CHURC1: variants seen among roughly 807,000 people sequenced by gnomAD.
CHURC1 encodes protein Churchill.
A neutral mutation model predicts 15.4 loss-of-function variants in CHURC1; 12 were observed. That is an observed-to-expected ratio of 0.78 (90% CI 0.50 to 1.27). The LOEUF (loss-of-function observed/expected upper bound fraction) is 1.27. Ranked by LOEUF, CHURC1 falls within the 50% of genes most tolerant of loss-of-function variation. CHURC1 has a pLI of 0.00. For missense variants in CHURC1, 132 were observed against 137.8 expected (o/e 0.96, Z 0.21); for synonymous variants, 42 against 47.5 (o/e 0.88, Z 0.48).
chr14:64,934,714 C>G lies in CHURC1; in HGVS notation c.*2484C>G, dbSNP rs1399874487. On this transcript the variant is annotated 3_prime_UTR_variant, in exon 4 of 4. Coordinates refer to ENST00000549115, the MANE Select transcript of CHURC1 (RefSeq NM_001386928.1). The stretch of plus-strand genomic sequence containing the variant: ...ATTACTTTAAATAGCAGCATTAAGC[C>G]CATTATAGCCTCTGAATTGTCCCTT... 6.1e-6 allele frequency: 6 copies of G among 985,248 alleles called. No individual in the cohort carries two copies. The highest frequency in any genetic ancestry group is 7.2e-6 in the Non-Finnish European group (6 of 829,932). The allele number at this position is 985,248 out of a possible 1,614,324, so 61.0% of individuals were successfully genotyped here.
chr14:64,918,671 T>A (rs937534692), intron 1 of CHURC1, among the ~76,000 whole-genome samples: 4 of 152,122 alleles, frequency 2.6e-5, no homozygotes, highest in African/African-American at 9.6e-5. Context: ...TTATTAAAAA[T>A]TAAAAAACAT....
rs955378112 is a variant in CHURC1 at position 64,934,810 on chromosome 14, T to C, written c.*2580T>C. On this transcript the variant is annotated 3_prime_UTR_variant, in exon 4 of 4. Coordinates refer to ENST00000549115, the MANE Select transcript of CHURC1 (RefSeq NM_001386928.1). ...AGTCTAATTTTATATGCCCTGCCAA[T>C]GTCCTCATCTATTGCAGAATGTATA... 1.0e-6 allele frequency: 1 copy of C among 985,294 alleles called. No homozygotes were observed. Among genetic ancestry groups the C allele is most frequent in the Non-Finnish European group, 1.2e-6 (1 of 829,906 alleles). The allele number at this position is 985,294 out of a possible 1,614,324, so 61.0% of individuals were successfully genotyped here.
Position 64,914,494 on chromosome 14 carries a change from C to T in CHURC1, c.-2C>T, listed in dbSNP as rs1168690291. ...AGGACATTCCCTGTTGACTGCGTCG[C>T]GATGTGTGGCGACTGTGTGGAGAAG... On this transcript the variant is annotated 5_prime_UTR_variant, in exon 1 of 4. Coordinates refer to ENST00000549115, the MANE Select transcript of CHURC1 (RefSeq NM_001386928.1). The T allele has an allele frequency of 1.9e-6, 3 of 1,614,130 alleles. No individual in the cohort carries two copies. Among genetic ancestry groups the T allele is most frequent in the Admixed American group, 1.7e-5 (1 of 60,014 alleles).
chr14:64,935,170 T>A lies in CHURC1; in HGVS notation c.*2940T>A, dbSNP rs1885269136. 3.9e-6 allele frequency: 1 copy of A among 258,586 alleles called. No homozygotes were observed. Among genetic ancestry groups the A allele is most frequent in the African/African-American group, 2.3e-5 (1 of 43,126 alleles). 16.0% of individuals were successfully genotyped at this position (258,586 alleles called of 1,614,324 possible). The stretch of plus-strand genomic sequence containing the variant: ...GGAGACAGGAAGGGGAACATCACAC[T>A]CTAGGGACTGTTGTGGGGTGAGGGG... On this transcript the variant is annotated 3_prime_UTR_variant, in exon 4 of 4. Coordinates refer to ENST00000549115, the MANE Select transcript of CHURC1 (RefSeq NM_001386928.1).
At chr14:64,922,130 A>G (rs553418279) in intron 1 of CHURC1, among the ~76,000 whole-genome samples, 9 of 152,306 alleles carry the variant, frequency 5.9e-5, no homozygotes, top group African/African-American at 2.2e-4. Context: ...AAAAGCATGA[A>G]GGAACTTTTT....
Position 64,932,315 on chromosome 14 carries a change from T to C in CHURC1, c.*85T>C. On this transcript the variant is annotated 3_prime_UTR_variant, in exon 4 of 4. Transcript: ENST00000549115. ...ATGGTTTGTCTTATTTCATTCATAC[T>C]GAAAATTCTTTGCATATTTTTTTTC... The C allele has an allele frequency of 7.1e-6, 11 of 1,542,592 alleles. No homozygotes were observed. Among genetic ancestry groups the C allele is most frequent in the Non-Finnish European group, 8.8e-6 (10 of 1,142,096 alleles).
At chr14:64,915,120 A>G (rs1883776529) in intron 1 of CHURC1, among the ~76,000 whole-genome samples, 1 of 152,180 alleles carries the variant, frequency 6.6e-6, no homozygotes, top group African/African-American at 2.4e-5. Context: ...TCCTTGTTGA[A>G]CATTTATATA....
At chr14:64,916,573 T>A (rs1295807972) in intron 1 of CHURC1, among the ~76,000 whole-genome samples, 1 of 152,032 alleles carries the variant, frequency 6.6e-6, no homozygotes, top group Non-Finnish European at 1.5e-5. Context: ...GTTGGATTCT[T>A]TTTTGTTGTT....
chr14:64,921,470 CAAAAT>C (rs59995630), intron 1 of CHURC1, among the ~76,000 whole-genome samples: 39,987 of 151,758 alleles, frequency 0.26, 5,971 homozygotes, highest in African/African-American at 0.4. Context: ...TCTTACAACT[CAAAAT>C]AAACAACCTA....
Position 64,931,840 on chromosome 14 carries a change from A to G in CHURC1, c.247-298A>G, listed in dbSNP as rs190990499. 2.2e-3 allele frequency among the ~76,000 whole-genome samples: 337 copies of G among 152,376 alleles called. 2 individuals carry two copies. Among genetic ancestry groups the G allele is most frequent in the African/African-American group, 7.7e-3 (319 of 41,594 alleles). On this transcript the variant is annotated intron_variant, in intron 3 of 3. Coordinates refer to ENST00000549115, the MANE Select transcript of CHURC1 (RefSeq NM_001386928.1). ...CAGCTGTAAGAATAGGAATTTGTCCATAGGGACCCACACTCAAATTGCTTC... is the reference window on the plus strand; with the variant it reads ...CAGCTGTAAGAATAGGAATTTGTCCGTAGGGACCCACACTCAAATTGCTTC...
rs561355240 is a variant in CHURC1 at position 64,935,034 on chromosome 14, G to A, written c.*2804G>A. 9.9e-4 allele frequency: 967 copies of A among 979,778 alleles called. 1 individual carries two copies. The highest frequency in any genetic ancestry group is 3.2e-3 in the Middle Eastern group (6 of 1,902). 60.7% of individuals were successfully genotyped at this position (979,778 alleles called of 1,614,324 possible). A position where few individuals can be genotyped will look rare whatever the true frequency, so the allele number is the denominator to read the frequency against. The stretch of plus-strand genomic sequence containing the variant: ...ATTTTTCTGTTCAAATTAGGAATTA[G>A]GGACATGGATGAAATTGGAAATCTT... On this transcript the variant is annotated 3_prime_UTR_variant, in exon 4 of 4. Transcript: ENST00000549115.
At chr14:64,925,823 ACGT>A (rs1236349830) in intron 2 of CHURC1, among the ~76,000 whole-genome samples, 184 bp from the exon 3 acceptor site, 1 of 137,978 alleles carries the variant, frequency 7.2e-6, no homozygotes, top group African/African-American at 3.0e-5. Flanking sequence ...GAATTATGTA[ACGT>A]TGTTATGTGG....
chr14:64,934,024 A>G lies in CHURC1; in HGVS notation c.*1794A>G. The G allele has an allele frequency of 1.0e-6, 1 of 971,912 alleles. No homozygotes were observed. The highest frequency in any genetic ancestry group is 4.8e-5 in the South Asian group (1 of 20,734). The allele number at this position is 971,912 out of a possible 1,614,324, so 60.2% of individuals were successfully genotyped here. A position where few individuals can be genotyped will look rare whatever the true frequency, so the allele number is the denominator to read the frequency against. ...CTTTATTTCAGTGTAGCACTTTTAG[A>G]GCCAAAAAAACTCAGGCACAAAGAA... On this transcript the variant is annotated 3_prime_UTR_variant, in exon 4 of 4. Coordinates refer to ENST00000549115, the MANE Select transcript of CHURC1 (RefSeq NM_001386928.1).
intron 2 of CHURC1, among the ~76,000 whole-genome samples, chr14:64,925,112 T>C (rs906961635): frequency 1.3e-4 from 20 of 152,372 alleles, no homozygotes; most frequent in Admixed American, 1.2e-3. Flanking sequence ...CAATACATCC[T>C]GGCTCAGTCG....
intron 1 of CHURC1, among the ~76,000 whole-genome samples, chr14:64,915,151 C>T (rs1247498009): frequency 6.6e-6 from 1 of 152,198 alleles, no homozygotes; most frequent in African/African-American, 2.4e-5. Context: ...GATTACTTTG[C>T]TAGGCCAGAA....
Position 64,932,152 on chromosome 14 carries a change from G to A in CHURC1, c.261G>A (p.Leu87=). The change falls in exon 4 of 4, where the codon CTG becomes CTA. Residue 87 remains leucine, a synonymous_variant. Transcript: ENST00000549115. ...TCTTGTTCTAGGAGTATACCATGCT[G>A]TGTCTGTTATGCGGCAAAGCCGAAG... ...IMDEFQEYTM[L]CLLCGKAEDT... 1 of 1,613,576 alleles carries A rather than the reference G, an allele frequency of 6.2e-7. No homozygotes were observed. The highest frequency in any genetic ancestry group is 2.2e-5 in the East Asian group (1 of 44,880).
chr14:64,917,427 G>A (rs1348640444), intron 1 of CHURC1, among the ~76,000 whole-genome samples: 1 of 152,212 alleles, frequency 6.6e-6, no homozygotes, highest in Non-Finnish European at 1.5e-5. Flanking sequence ...GCTGGGTGTG[G>A]TGGGAGGCGC....
Position 64,933,310 on chromosome 14 carries a change from A to G in CHURC1, c.*1080A>G. On this transcript the variant is annotated 3_prime_UTR_variant, in exon 4 of 4. Transcript: ENST00000549115. ...TATACCACGAAAAGAAAAAAAGGTC[A>G]TTTGGTAGAAACTAGGGAAATCTGA... The G allele has an allele frequency of 1.1e-6, 1 of 945,142 alleles. No individual in the cohort carries two copies. The highest frequency in any genetic ancestry group is 1.3e-6 in the Non-Finnish European group (1 of 792,938). The allele number at this position is 945,142 out of a possible 1,614,324, so 58.5% of individuals were successfully genotyped here. A position where few individuals can be genotyped will look rare whatever the true frequency, so the allele number is the denominator to read the frequency against.
In CHURC1 at chr14:64,924,044, A is replaced by G; in HGVS notation, c.93A>G (p.Ala31=). The G allele has an allele frequency of 1.2e-6, 2 of 1,607,362 alleles. No individual in the cohort carries two copies. Among genetic ancestry groups the G allele is most frequent in the South Asian group, 1.1e-5 (1 of 89,784 alleles). The stretch of plus-strand genomic sequence containing the variant: ...TCTTACTGAACTTTACAGGCTGTGC[A>G]GTGTGCAGTAAGCGGGATTTTATGC... ...GSFLLNFTGC[A]VCSKRDFMLI... is the part of the protein sequence containing the mutation. The change falls in exon 2 of 4, where the codon GCA becomes GCG. Residue 31 remains alanine (A), a synonymous_variant. Coordinates refer to ENST00000549115, the MANE Select transcript of CHURC1 (RefSeq NM_001386928.1).
Sources: gnomAD v4.1 joint callset for allele counts (sites outside exome capture counted in the v4.1 genomes callset) on GRCh38, gnomAD v4.1.1 for gene constraint, MANE v1.5 for transcripts, NCBI Gene and HGNC (gene_info 2026-07-23, HGNC 2026-07-21) for gene names.